The following C8orf34 variants were observed in gnomAD, a reference collection of about 807,000 sequenced individuals.
C8orf34 encodes the protein chromosome 8 open reading frame 34, also known as uncharacterized protein C8orf34.
C8orf34 carries 65 observed loss-of-function variants against 68.3 expected under a neutral mutation model. The observed-to-expected ratio is 0.95, with a 90% CI of 0.78 to 1.17. C8orf34 has a LOEUF of 1.17. C8orf34 is among the 50% of genes most tolerant of loss of function. C8orf34 has a pLI of 0.00. For synonymous variants in C8orf34, 244 were observed against 241.2 expected (o/e 1.01, Z -0.11); for missense variants, 664 against 655.4 (o/e 1.01, Z -0.14).
chr8:68,814,130 C>A (rs1235892871), intron 12 of C8orf34, among the ~76,000 whole-genome samples: 1 of 152,166 alleles, frequency 6.6e-6, no homozygotes, highest in African/African-American at 2.4e-5. Flanking sequence ...TCATCCTTCA[C>A]TCTAAGGTCT....
rs191607289 is a variant in C8orf34 at position 68,693,364 on chromosome 8, T to G, written c.1242-15630T>G. On this transcript the variant is annotated intron_variant, in intron 8 of 13. Transcript: ENST00000518698. The stretch of plus-strand genomic sequence containing the variant: ...TTAGTAGCCCTAAAGTCAAAACACA[T>G]GTATGTGGATGCATTCTGATTTTAC... 5.3e-5 allele frequency among the ~76,000 whole-genome samples: 8 copies of G among 152,194 alleles called. No homozygotes were observed. The East Asian group carries it at 1.6e-3, about 29-fold the overall frequency.
Position 68,640,322 on chromosome 8 carries a change from C to G in C8orf34, c.1106-54C>G, listed in dbSNP as rs1818967025. On this transcript the variant is annotated intron_variant, in intron 7 of 13. Coordinates refer to ENST00000518698, the MANE Select transcript of C8orf34 (RefSeq NM_052958.4). The stretch of plus-strand genomic sequence containing the variant: ...GATACCTGAAAATATGAATTTTTCT[C>G]CTTAATTCCACTAGAGTTAATTTTT... 8 of 1,554,334 alleles carry G rather than the reference C, an allele frequency of 5.1e-6. No homozygotes were observed. The South Asian group carries it at 9.2e-5, about 18-fold the overall frequency.
At chr8:68,516,649 T>TATTTATTTA (rs11446345) in intron 5 of C8orf34, among the ~76,000 whole-genome samples, 1 of 116,286 alleles carries the variant, frequency 8.6e-6, no homozygotes, top group Non-Finnish European at 1.6e-5. Context: ...TTTATTTATT[T>TATTTATTTA]TTTATTTATT....
At position 68,802,336 on chromosome 8, in the gene C8orf34, GT is replaced by G. The variant is rs564617318; in HGVS notation, c.1550-13549del. On this transcript the variant is annotated intron_variant, in intron 12 of 13. Transcript: ENST00000518698. ...GCTGGTCTTGAACTCCCGACCTCAG[GT>G]GATCCACCTGCCTCGACCTCCCAAA... is the stretch of plus-strand genomic sequence containing the variant. Among the ~76,000 whole-genome samples the G allele has an allele frequency of 3.7e-3, 565 of 152,146 alleles. 3 individuals are homozygous for G. Among genetic ancestry groups the G allele is most frequent in the African/African-American group, 0.012 (507 of 41,508 alleles).
chr8:68,497,748 A>C (rs922993852), intron 5 of C8orf34, among the ~76,000 whole-genome samples: 1 of 152,136 alleles, frequency 6.6e-6, no homozygotes, highest in African/African-American at 2.4e-5. Flanking sequence ...GAAAAAAGGA[A>C]GGGAGAGAAA....
chr8:68,648,329 G>C (rs1394060857), intron 8 of C8orf34, among the ~76,000 whole-genome samples: 2 of 152,148 alleles, frequency 1.3e-5, no homozygotes, highest in Non-Finnish European at 2.9e-5. Context: ...ATTATAATTT[G>C]AAAAATTGTG....
intron 7 of C8orf34, among the ~76,000 whole-genome samples, chr8:68,536,840 A>G (rs939764801): frequency 6.6e-6 from 1 of 152,172 alleles, no homozygotes; most frequent in African/African-American, 2.4e-5. Flanking sequence ...AAGTAAAATT[A>G]CATTGCGACA....
intron 8 of C8orf34, among the ~76,000 whole-genome samples, chr8:68,694,473 TA>T (rs932581960): frequency 4.6e-5 from 7 of 151,908 alleles, no homozygotes; most frequent in East Asian, 1.9e-4. Context: ...AATTATGAAG[TA>T]AAAAAAATAC....
chr8:68,466,303 C>T (rs1341144534), intron 3 of C8orf34, among the ~76,000 whole-genome samples: 1 of 151,912 alleles, frequency 6.6e-6, no homozygotes, highest in African/African-American at 2.4e-5. Context: ...AAGGAATAAA[C>T]TCAATGTTTG....
intron 6 of C8orf34, among the ~76,000 whole-genome samples, chr8:68,524,365 T>A (rs977657711): frequency 4.6e-5 from 7 of 152,176 alleles, no homozygotes; most frequent in Non-Finnish European, 2.9e-5. Flanking sequence ...TTAATAAGTA[T>A]GTTACAAATA....
At chr8:68,434,733 G>C (rs973528143) in intron 1 of C8orf34, among the ~76,000 whole-genome samples, 1 of 152,078 alleles carries the variant, frequency 6.6e-6, no homozygotes, top group South Asian at 2.1e-4. Flanking sequence ...AAAGATTCTA[G>C]TTGATAAAAA....
At chr8:68,610,434 G>A (rs1279348831) in intron 7 of C8orf34, among the ~76,000 whole-genome samples, 1 of 152,096 alleles carries the variant, frequency 6.6e-6, no homozygotes, top group Non-Finnish European at 1.5e-5. Context: ...TTCATTCCTA[G>A]GGGATAATCG....
chr8:68,470,043 T>C (rs559948562), intron 4 of C8orf34, among the ~76,000 whole-genome samples: 1 of 152,036 alleles, frequency 6.6e-6, no homozygotes, highest in South Asian at 2.1e-4. Context: ...GAAGTTAAGC[T>C]ACCTTATCAC....
chr8:68,816,324 G>C (rs1824818394), intron 13 of C8orf34, among the ~76,000 whole-genome samples: 1 of 152,062 alleles, frequency 6.6e-6, no homozygotes, highest in African/African-American at 2.4e-5. Flanking sequence ...TGGACTCTAT[G>C]ATGCTATTAT....
chr8:68,698,918 G>T (rs1367020544), intron 8 of C8orf34, among the ~76,000 whole-genome samples: 2 of 151,886 alleles, frequency 1.3e-5, no homozygotes, highest in Admixed American at 6.6e-5. Flanking sequence ...TGAAATTCTG[G>T]GCATGTTGCA....
At position 68,797,860 on chromosome 8, in the gene C8orf34, C is replaced by T. The variant is rs574515609; in HGVS notation, c.1549+10324C>T. Reference sequence around the variant, plus strand: ...ACTAGAGATTTGGGTATACATTTCTCAGGAAAAAAGTGAGACAGGACTTTG... The same window carrying T: ...ACTAGAGATTTGGGTATACATTTCTTAGGAAAAAAGTGAGACAGGACTTTG... On this transcript the variant is annotated intron_variant, in intron 12 of 13. Transcript: ENST00000518698. Among the ~76,000 whole-genome samples the T allele has an allele frequency of 1.4e-3, 214 of 152,154 alleles. 1 individual carries two copies. Among genetic ancestry groups the T allele is most frequent in the African/African-American group, 4.9e-3 (203 of 41,532 alleles).
chr8:68,396,459 C>T (rs1488439184), intron 1 of C8orf34, among the ~76,000 whole-genome samples: 1 of 151,862 alleles, frequency 6.6e-6, no homozygotes, highest in East Asian at 1.9e-4. Context: ...AGCTCTACCA[C>T]ATCATTTTGA....
At chr8:68,763,017 T>C (rs974868571) in intron 10 of C8orf34, among the ~76,000 whole-genome samples, 2 of 152,178 alleles carry the variant, frequency 1.3e-5, no homozygotes, top group Non-Finnish European at 1.5e-5. Flanking sequence ...TATCACTTTG[T>C]GGTTTTGCCC....
intron 12 of C8orf34, among the ~76,000 whole-genome samples, chr8:68,796,215 A>G (rs1360526947): frequency 6.6e-6 from 1 of 152,168 alleles, no homozygotes; most frequent in Non-Finnish European, 1.5e-5. Context: ...TCTTGAGTTA[A>G]TGTTCTATGG....
Sources: allele counts gnomAD v4.1 joint callset (sites outside exome capture counted in the v4.1 genomes callset), GRCh38; gene constraint gnomAD v4.1.1; transcripts MANE v1.5; gene names NCBI Gene and HGNC (gene_info 2026-07-23, HGNC 2026-07-21).